RAB11FIP3: variants seen among roughly 807,000 people sequenced by gnomAD.
RAB11FIP3 encodes the protein RAB11 family interacting protein 3.
In RAB11FIP3, 17 loss-of-function variants were observed where a neutral mutation model predicts 77.8. The ratio of observed to expected loss-of-function variants is 0.22; its 90% CI spans 0.15 to 0.33. The LOEUF (loss-of-function observed/expected upper bound fraction) is 0.33. Ranked by LOEUF, RAB11FIP3 falls within the 10% of genes least tolerant of loss-of-function variation. RAB11FIP3 has a pLI of 1.00. For missense variants in RAB11FIP3, 1,005 were observed against 1,011.2 expected, an observed-to-expected ratio of 0.99 and a Z score of 0.08; for synonymous variants, 437 against 448.2, an observed-to-expected ratio of 0.98 and a Z score of 0.31.
intron 8 of RAB11FIP3, among the ~76,000 whole-genome samples, chr16:509,329 G>A (rs1046372466): frequency 1.2e-4 from 18 of 152,258 alleles, no homozygotes; most frequent in African/African-American, 3.1e-4. Flanking sequence ...CCGCTGGCTC[G>A]GGGACCTTTC....
intron 1 of RAB11FIP3, chr16:452,241 A>G (rs2055420620): frequency 6.6e-6 from 1 of 151,582 alleles, no homozygotes. Flanking sequence ...AGGCTGAGGC[A>G]GGAGAATTGC....
In RAB11FIP3 at chr16:472,333, A is replaced by G. The variant is rs1596242882; in HGVS notation, c.903+944A>G. Among the ~76,000 whole-genome samples the G allele has an allele frequency of 6.6e-6, 1 of 152,120 alleles. No individual in the cohort carries two copies. Among genetic ancestry groups the G allele is most frequent in the South Asian group, 2.1e-4 (1 of 4,818 alleles). On this transcript the variant is annotated intron_variant, in intron 3 of 13. Coordinates refer to ENST00000262305, the MANE Select transcript of RAB11FIP3 (RefSeq NM_014700.4). This position sits in a 1 kb window ranked among gnomAD's most constrained non-coding sequence, Gnocchi z 4.1. ...TGGTTCTGCCTTACGGCGGTGTCCC[A>G]GTTATCAGCTGGGCTGCAGCTTCTG...
rs549682414 is a variant in RAB11FIP3, at chr16:496,126, G to A, written c.1266-698G>A. 2.2e-3 allele frequency among the ~76,000 whole-genome samples: 333 copies of A among 152,324 alleles called. 5 individuals are homozygous for A. Among genetic ancestry groups the A allele is most frequent in the African/African-American group, 7.7e-3 (319 of 41,570 alleles). On this transcript the variant is annotated intron_variant, in intron 5 of 13. Transcript: ENST00000262305. ...TGAGACAGGTAAGCTGAAGAGAGACGTGGCTTTGTGAGTTCCAGGACCGTG... is the reference window on the plus strand; with the variant it reads ...TGAGACAGGTAAGCTGAAGAGAGACATGGCTTTGTGAGTTCCAGGACCGTG...
intron 7 of RAB11FIP3, among the ~76,000 whole-genome samples, chr16:503,526 C>G (rs1250032455): frequency 6.6e-6 from 1 of 152,104 alleles, no homozygotes; most frequent in Non-Finnish European, 1.5e-5. Context: ...CGGGCTTCTC[C>G]TGGGGCCTTG....
At chr16:455,314 TA>T (rs2055483920) in intron 1 of RAB11FIP3, among the ~76,000 whole-genome samples, 1 of 150,836 alleles carries the variant, frequency 6.6e-6, no homozygotes, top group East Asian at 2.0e-4. Flanking sequence ...ACCCCGTCTC[TA>T]CTACAAAAAT....
At chr16:515,371 G>A (rs74003954) in intron 9 of RAB11FIP3, among the ~76,000 whole-genome samples, 11,719 of 152,284 alleles carry the variant, frequency 0.077, 495 homozygotes, top group African/African-American at 0.12. Flanking sequence ...CAACAGGAAA[G>A]GCAGATGGCA....
chr16:477,085 C>CA (rs34127149), intron 3 of RAB11FIP3, among the ~76,000 whole-genome samples: 14 of 122,694 alleles, frequency 1.1e-4, no homozygotes, highest in Admixed American at 5.8e-4. Flanking sequence ...GACTCCGTCT[C>CA]AAAAAAAAAA....
chr16:462,144 C>T (rs1376742199), intron 2 of RAB11FIP3, among the ~76,000 whole-genome samples: 2 of 152,234 alleles, frequency 1.3e-5, no homozygotes, highest in East Asian at 3.9e-4. Context: ...GTGCCGCATA[C>T]CCCTCGCCCT....
chr16:439,985 A>G (rs7202319), intron 1 of RAB11FIP3, among the ~76,000 whole-genome samples: 20,358 of 151,786 alleles, frequency 0.13, 2,121 homozygotes, highest in African/African-American at 0.29. Context: ...CTGGGACTAC[A>G]GGTGCCTGCC....
At chr16:478,714 C>G (rs894585892) in intron 3 of RAB11FIP3, among the ~76,000 whole-genome samples, 2 of 152,112 alleles carry the variant, frequency 1.3e-5, no homozygotes, top group Non-Finnish European at 2.9e-5. Context: ...GCCTATAATC[C>G]CAGCACTTTG....
At chr16:445,713 T>C (rs1427514510) in intron 1 of RAB11FIP3, among the ~76,000 whole-genome samples, 1 of 151,518 alleles carries the variant, frequency 6.6e-6, no homozygotes, top group African/African-American at 2.4e-5. Flanking sequence ...TGCCAGAAAA[T>C]CTGGGAGCCA....
chr16:492,387 GA>G (rs758444678), intron 5 of RAB11FIP3, among the ~76,000 whole-genome samples: 3 of 143,368 alleles, frequency 2.1e-5, no homozygotes, highest in African/African-American at 7.7e-5. Context: ...AGGCCGCCCA[GA>G]GCCCTCCCCG....
rs372284705 is a variant in RAB11FIP3, at chr16:473,649, A to G, written c.903+2260A>G. 2.3e-4 allele frequency among the ~76,000 whole-genome samples: 35 copies of G among 152,026 alleles called. No homozygotes were observed. The South Asian group carries it at 7.1e-3, about 31-fold the overall frequency. The stretch of plus-strand genomic sequence containing the variant: ...GAGATGGGGTTTCACCGTGTTGCCT[A>G]GGCTGCTCTCAAACTCCTGAGTTCA... On this transcript the variant is annotated intron_variant, in intron 3 of 13. Transcript: ENST00000262305.
At chr16:456,087 T>C (rs2055498184) in intron 1 of RAB11FIP3, among the ~76,000 whole-genome samples, 1 of 151,512 alleles carries the variant, frequency 6.6e-6, no homozygotes, top group Non-Finnish European at 1.5e-5. Context: ...ACCCCAGCAC[T>C]TTGGGAGGCC....
At chr16:470,029 C>G (rs1047614058) in intron 2 of RAB11FIP3, among the ~76,000 whole-genome samples, 6 of 151,662 alleles carry the variant, frequency 4.0e-5, no homozygotes, top group Admixed American at 6.6e-5. Flanking sequence ...GAGTCTTGCT[C>G]TGTCGCCCAG....
intron 9 of RAB11FIP3, among the ~76,000 whole-genome samples, chr16:517,825 G>A (rs527931354): frequency 6.6e-6 from 1 of 152,206 alleles, no homozygotes; most frequent in Non-Finnish European, 1.5e-5. Context: ...GCTCACGCCT[G>A]TAATCCCAGC....
At chr16:436,674 G>T (rs2141851004) in intron 1 of RAB11FIP3, among the ~76,000 whole-genome samples, 1 of 152,186 alleles carries the variant, frequency 6.6e-6, no homozygotes, top group Admixed American at 6.5e-5. Flanking sequence ...TAGAGGCGAG[G>T]TTTTGCCATG....
Position 461,417 on chromosome 16 carries a change from C to T in RAB11FIP3, c.728C>T (p.Thr243Ile). 1 of 1,613,746 alleles carries T rather than the reference C, an allele frequency of 6.2e-7. No individual in the cohort carries two copies. Among genetic ancestry groups the T allele is most frequent in the Non-Finnish European group, 8.5e-7 (1 of 1,179,766 alleles). Residue 243 changes from threonine (T) to isoleucine (I), a missense_variant, in exon 2 of 14, where the codon ACT (threonine) becomes ATT (isoleucine). Physicochemically the swap from Thr to Ile is moderately conservative, Grantham distance 89. Around this residue, in one of 4 missense-constraint regions of RAB11FIP3, gnomAD observed 466 missense variants for 408.3 expected, o/e 1.14. Coordinates refer to ENST00000262305, the MANE Select transcript of RAB11FIP3 (RefSeq NM_014700.4). This position sits in a 1 kb window ranked among gnomAD's most constrained non-coding sequence, Gnocchi z 4.5. ...VYGAEQVKDL[T>I]KYLDPSGLGV... ...TGGCAATTACAGGTGAAGGACTTAA[C>T]TAAGTACTTGGATCCCAGTGGGCTC...
chr16:498,826 TTAGGGGC>T (rs538467717), intron 6 of RAB11FIP3, among the ~76,000 whole-genome samples: 20 of 151,962 alleles, frequency 1.3e-4, no homozygotes, highest in South Asian at 1.0e-3. Flanking sequence ...TTCTGTCATT[TTAGGGGC>T]TAGGGGCTAG....
Sources: allele counts gnomAD v4.1 joint callset (sites outside exome capture counted in the v4.1 genomes callset), GRCh38; gene constraint gnomAD v4.1.1; regional missense constraint gnomAD v4.1.1; non-coding constraint Gnocchi (gnomAD v3.1); transcripts MANE v1.5; gene names NCBI Gene and HGNC (gene_info 2026-07-23, HGNC 2026-07-21).